Variants in MACROD2 observed in about 807,000 individuals in gnomAD.
MACROD2 encodes the protein ADP-ribose glycohydrolase MACROD2.
MACROD2 carries 36 observed loss-of-function variants against 70.4 expected under a neutral mutation model. That is an observed-to-expected ratio of 0.51 (90% CI 0.39 to 0.68). MACROD2 has a LOEUF of 0.68. MACROD2 is among the 30% of genes least tolerant of loss of function. The probability of loss-of-function intolerance (pLI) is 0.00; values close to 1 mark genes in which losing one functional copy is unlikely to be tolerated. For missense variants in MACROD2, 496 were observed against 538.4 expected (o/e 0.92, Z 0.78); for synonymous variants, 172 against 178.8 (o/e 0.96, Z 0.30).
chr20:14,920,737 C>G (rs1053306733), intron 5 of MACROD2, among the ~76,000 whole-genome samples: 2 of 151,982 alleles, frequency 1.3e-5, no homozygotes, highest in Admixed American at 1.3e-4. Context: ...TTCTTCTAAT[C>G]CTTGAATTTT....
chr20:14,505,997 C>T (rs1191302179), intron 4 of MACROD2, among the ~76,000 whole-genome samples: 1 of 152,148 alleles, frequency 6.6e-6, no homozygotes, highest in Non-Finnish European at 1.5e-5. Flanking sequence ...CAACCTTGCT[C>T]CCACCCTCTC....
Position 14,223,720 on chromosome 20 carries a change from C to T in MACROD2, c.271+137992C>T, listed in dbSNP as rs200957198. 7.2e-5 allele frequency among the ~76,000 whole-genome samples: 11 copies of T among 152,174 alleles called. No homozygotes were observed. In the East Asian group the frequency reaches 1.9e-3, roughly 27 times the overall value. ...ACAGGGTTTTACTATGTTGGCCAGG[C>T]TGGTCTCGACCTTGTGATCTGCCTG... is the stretch of plus-strand genomic sequence containing the variant. On this transcript the variant is annotated intron_variant, in intron 3 of 17. Coordinates refer to ENST00000684519, the MANE Select transcript of MACROD2 (RefSeq NM_001351661.2).
intron 9 of MACROD2, among the ~76,000 whole-genome samples, chr20:15,869,609 T>C (rs2064552098): frequency 6.6e-6 from 1 of 152,062 alleles, no homozygotes; most frequent in African/African-American, 2.4e-5. Context: ...AAAACATGTA[T>C]AACAAGTGTT....
At chr20:15,164,178 T>A (rs918991288) in intron 5 of MACROD2, among the ~76,000 whole-genome samples, 3 of 152,048 alleles carry the variant, frequency 2.0e-5, no homozygotes, top group African/African-American at 4.8e-5. Flanking sequence ...GAAAATATTT[T>A]AAAAAAATAA....
chr20:15,310,427 T>G (rs1366999963), intron 6 of MACROD2, among the ~76,000 whole-genome samples: 1 of 152,096 alleles, frequency 6.6e-6, no homozygotes, highest in Non-Finnish European at 1.5e-5. Flanking sequence ...TTGGTTTCAC[T>G]CCAACCCAAA....
At chr20:14,763,302 A>G (rs1366069146) in intron 5 of MACROD2, among the ~76,000 whole-genome samples, 1 of 151,616 alleles carries the variant, frequency 6.6e-6, no homozygotes, top group Non-Finnish European at 1.5e-5. Context: ...TGGTGTTACT[A>G]GACCTTCAGA....
At chr20:15,889,132 C>T (rs192970398) in intron 10 of MACROD2, among the ~76,000 whole-genome samples, 6 of 152,214 alleles carry the variant, frequency 3.9e-5, no homozygotes, top group Admixed American at 1.3e-4. Flanking sequence ...GTAAGAAGAG[C>T]CCCAGTGTGA....
chr20:15,304,570 CTTCTTTCT>C (rs1395665907), intron 6 of MACROD2, among the ~76,000 whole-genome samples: 3 of 152,164 alleles, frequency 2.0e-5, no homozygotes, highest in South Asian at 2.1e-4. Context: ...TTCTTCTTTC[CTTCTTTCT>C]GCCTTTACTA....
chr20:14,249,132 T>C (rs1430555480), intron 3 of MACROD2, among the ~76,000 whole-genome samples: 20 of 147,844 alleles, frequency 1.4e-4, no homozygotes, highest in East Asian at 2.0e-4. Context: ...TCAAAGGTTT[T>C]TTTTTTTTTT....
intron 5 of MACROD2, among the ~76,000 whole-genome samples, chr20:14,961,631 G>A (rs1413690354): frequency 2.0e-5 from 3 of 151,806 alleles, no homozygotes; most frequent in South Asian, 4.2e-4. Context: ...GGGCTCAAAC[G>A]ATATCGCCCA....
chr20:14,252,700 A>G (rs1230459457), intron 3 of MACROD2, among the ~76,000 whole-genome samples: 1 of 151,872 alleles, frequency 6.6e-6, no homozygotes, highest in Non-Finnish European at 1.5e-5. Context: ...ATATTATCTC[A>G]TGTTCTTGTT....
At chr20:15,528,509 T>C (rs2047752277) in intron 8 of MACROD2, among the ~76,000 whole-genome samples, 1 of 152,182 alleles carries the variant, frequency 6.6e-6, no homozygotes, top group South Asian at 2.1e-4. Flanking sequence ...CACAAAGGAT[T>C]ATCTGGCTCC....
At chr20:15,029,597 C>G (rs960617244) in intron 5 of MACROD2, among the ~76,000 whole-genome samples, 1 of 152,126 alleles carries the variant, frequency 6.6e-6, no homozygotes, top group African/African-American at 2.4e-5. Flanking sequence ...GTGGAGGTAC[C>G]AAGCTTTTCT....
At chr20:14,632,971 A>C (rs1418633121) in intron 4 of MACROD2, among the ~76,000 whole-genome samples, 2 of 152,224 alleles carry the variant, frequency 1.3e-5, no homozygotes, top group Non-Finnish European at 2.9e-5. Flanking sequence ...AAACAACTGA[A>C]ATTTTTTCTC....
intron 3 of MACROD2, among the ~76,000 whole-genome samples, chr20:14,341,851 A>G (rs186265536): frequency 2.9e-4 from 44 of 152,284 alleles, no homozygotes; most frequent in African/African-American, 7.9e-4. Context: ...AAATATGTCA[A>G]TAAGAATACA....
At chr20:14,827,747 T>G (rs1276306427) in intron 5 of MACROD2, among the ~76,000 whole-genome samples, 1 of 152,090 alleles carries the variant, frequency 6.6e-6, no homozygotes, top group Non-Finnish European at 1.5e-5. Context: ...TCTTGGAAAC[T>G]ATTAGCCTTC....
intron 3 of MACROD2, among the ~76,000 whole-genome samples, chr20:14,267,177 G>T (rs1239295528): frequency 6.6e-6 from 1 of 152,106 alleles, no homozygotes; most frequent in Non-Finnish European, 1.5e-5. Context: ...TCGGAAGGAA[G>T]CTAATAGTTC....
chr20:15,646,138 TTTAC>T (rs2049537658), intron 8 of MACROD2, among the ~76,000 whole-genome samples: 1 of 152,198 alleles, frequency 6.6e-6, no homozygotes, highest in African/African-American at 2.4e-5. Context: ...CCTATTATTA[TTTAC>T]TTCTTCCTTT....
At chr20:14,503,777 C>A (rs760720220) in intron 4 of MACROD2, among the ~76,000 whole-genome samples, 11 of 152,220 alleles carry the variant, frequency 7.2e-5, no homozygotes, top group Non-Finnish European at 1.2e-4. Context: ...CTCACACTTA[C>A]AAATGTGGTA....
Sources: gnomAD v4.1 joint callset for allele counts (sites outside exome capture counted in the v4.1 genomes callset) on GRCh38, gnomAD v4.1.1 for gene constraint, MANE v1.5 for transcripts, NCBI Gene and HGNC (gene_info 2026-07-23, HGNC 2026-07-21) for gene names.